The following COL2A1 variants were observed in gnomAD, a reference collection of about 807,000 sequenced individuals.
The protein encoded by COL2A1 is collagen alpha-1(II) chain.
COL2A1 carries 28 observed loss-of-function variants against 204.5 expected under a neutral mutation model. The observed-to-expected ratio is 0.14, with a 90% CI of 0.10 to 0.19. The LOEUF (loss-of-function observed/expected upper bound fraction) is 0.19. COL2A1 is among the 10% of genes least tolerant of loss of function. The pLI, the probability that COL2A1 is intolerant of heterozygous loss-of-function variation, is 1.00. For synonymous variants in COL2A1, 708 were observed against 718.7 expected, an observed-to-expected ratio of 0.99 and a Z score of 0.24; for missense variants, 1,388 against 2,027.5, an observed-to-expected ratio of 0.68 and a Z score of 6.06.
At position 47,973,304 on chromosome 12, in the gene COL2A1, G is replaced by T. The variant is rs1276840323; in HGVS notation, c.*103C>A. Reference sequence around the variant, plus strand: ...AGAGGGTGGGATGAATGGACATCAGGTCAGGTCAGCCATTCAGTGCAGAGT... The same window carrying T: ...AGAGGGTGGGATGAATGGACATCAGTTCAGGTCAGCCATTCAGTGCAGAGT... On this transcript the variant is annotated 3_prime_UTR_variant, in exon 54 of 54. Coordinates refer to ENST00000380518, the MANE Select transcript of COL2A1 (RefSeq NM_001844.5). The T allele has an allele frequency of 6.7e-7, 1 of 1,481,490 alleles. No individual in the cohort carries two copies. Among genetic ancestry groups the T allele is most frequent in the Non-Finnish European group, 9.4e-7 (1 of 1,059,168 alleles). 91.8% of individuals were successfully genotyped at this position (1,481,490 alleles called of 1,614,324 possible).
At chr12:47,981,459 CAA>C in intron 36 of COL2A1, 63 bp from the exon 37 acceptor site, 1 of 1,467,196 alleles carries the variant, frequency 6.8e-7, no homozygotes, top group Non-Finnish European at 9.4e-7. Context: ...TGGGAGAGGG[CAA>C]AGTGCATTTG....
intron 18 of COL2A1, among the ~76,000 whole-genome samples, chr12:47,988,259 G>C (rs992339702): frequency 5.9e-5 from 9 of 152,192 alleles, no homozygotes; most frequent in African/African-American, 1.4e-4. Flanking sequence ...CAAGGCAAAA[G>C]CACATGGGGA....
intron 27 of COL2A1, 53 bp downstream of exon 27, chr12:47,984,942 G>T: frequency 6.8e-7 from 1 of 1,462,896 alleles, no homozygotes; most frequent in South Asian, 1.2e-5. Context: ...CAAGAGGGCA[G>T]GGAGGTAGGT....
intron 50 of COL2A1, 143 bp from the exon 51 acceptor site, chr12:47,975,748 AC>A: frequency 1.1e-6 from 1 of 901,850 alleles, no homozygotes; most frequent in Non-Finnish European, 1.7e-6. Flanking sequence ...GACCAAGGAA[AC>A]CACAGCACCA....
chr12:47,995,241 T>A lies in COL2A1; in HGVS notation c.762+14A>T. 6.2e-7 allele frequency: 1 copy of A among 1,611,044 alleles called. No individual in the cohort carries two copies. Among genetic ancestry groups the A allele is most frequent in the South Asian group, 1.1e-5 (1 of 91,026 alleles). On this transcript the variant is annotated intron_variant, in intron 11 of 53. Coordinates refer to ENST00000380518, the MANE Select transcript of COL2A1 (RefSeq NM_001844.5). ...AGGAGGCAGCTCCTCATTTGTCTAC[T>A]CGTGTATACTCACATCATCACCAGG...
intron 50 of COL2A1, 92 bp from the exon 51 acceptor site, chr12:47,975,697 C>T: frequency 7.1e-7 from 1 of 1,413,518 alleles, no homozygotes; most frequent in Non-Finnish European, 9.7e-7. Context: ...GAGTGTCCCT[C>T]TTCCCAGCCC....
intron 37 of COL2A1, 81 bp from the exon 38 acceptor site, chr12:47,981,049 C>T (rs1939047767): frequency 1.3e-5 from 17 of 1,349,282 alleles, no homozygotes; most frequent in Admixed American, 2.1e-5. Context: ...CCCCTTGGGC[C>T]CTGCCCAGCC....
intron 1 of COL2A1, among the ~76,000 whole-genome samples, chr12:48,001,301 G>T (rs942317417): frequency 3.9e-5 from 6 of 152,270 alleles, no homozygotes; most frequent in Non-Finnish European, 8.8e-5. Flanking sequence ...TAAAGAGAGT[G>T]AAAATCCAAA....
intron 16 of COL2A1, among the ~76,000 whole-genome samples, chr12:47,991,654 G>A (rs1939714757): frequency 6.6e-6 from 1 of 152,184 alleles, no homozygotes; most frequent in Admixed American, 6.5e-5. Flanking sequence ...GTGCGGACAG[G>A]AACCAACAGA....
chr12:47,998,396 A>C lies in COL2A1; in HGVS notation c.309+19T>G. The stretch of plus-strand genomic sequence containing the variant: ...AAAGCCAAAAAAATATGAAAAAAGA[A>C]AAAGAAGAAAGCCCTTACCTTTGGT... On this transcript the variant is annotated intron_variant, in intron 3 of 53. Coordinates refer to ENST00000380518, the MANE Select transcript of COL2A1 (RefSeq NM_001844.5). The C allele has an allele frequency of 6.3e-7, 1 of 1,592,684 alleles. No individual in the cohort carries two copies. The highest frequency in any genetic ancestry group is 8.6e-7 in the Non-Finnish European group (1 of 1,166,612).
At chr12:47,993,585 TG>T in intron 14 of COL2A1, 83 bp from the exon 15 acceptor site, 1 of 1,304,140 alleles carries the variant, frequency 7.7e-7, no homozygotes, top group Non-Finnish European at 1.1e-6. Flanking sequence ...CCAAAAGCCC[TG>T]GTCATCTCAG....
At chr12:48,004,641 G>C (rs1940394238), upstream of COL2A1, 1 of 242,096 alleles carries the variant, frequency 4.1e-6, no homozygotes, top group Non-Finnish European at 8.0e-6. Context: ...TGCCCAAGCC[G>C]GACCCCCCTC....
chr12:47,989,199 A>C, intron 18 of COL2A1, 29 bp downstream of exon 18: 1 of 1,597,574 alleles, frequency 6.3e-7, no homozygotes, highest in Non-Finnish European at 8.6e-7. Context: ...GGCACCCAGA[A>C]GTTCCTGACT....
chr12:47,989,785 A>T lies in COL2A1; in HGVS notation c.1044T>A (p.Gly348=). 1 of 1,613,504 alleles carries T rather than the reference A, an allele frequency of 6.2e-7. No homozygotes were observed. Among genetic ancestry groups the T allele is most frequent in the Non-Finnish European group, 8.5e-7 (1 of 1,180,000 alleles). Residue 348 remains glycine, a synonymous_variant, in exon 17 of 54, where the codon GGT becomes GGA. Coordinates refer to ENST00000380518, the MANE Select transcript of COL2A1 (RefSeq NM_001844.5). ...AGAAGARGND[G]QPGPAGPPGP... is the part of the protein sequence containing the mutation. ...CCGGAGGCCCTGCGGGGCCTGGCTG[A>T]CCATCGTTGCCTCGGGCACCCTGTG...
At chr12:47,997,497 G>T (rs989182082) in intron 7 of COL2A1, 109 bp downstream of exon 7, 9 of 1,593,850 alleles carry the variant, frequency 5.6e-6, no homozygotes, top group Non-Finnish European at 7.7e-6. Flanking sequence ...GACAGGCTAT[G>T]TACACACTGC....
Position 47,982,408 on chromosome 12 carries a change from T to A in COL2A1, c.2301+94A>T, listed in dbSNP as rs897235947. On this transcript the variant is annotated intron_variant, in intron 34 of 53. Coordinates refer to ENST00000380518, the MANE Select transcript of COL2A1 (RefSeq NM_001844.5). ...CAAAAAGGGCTAACAGAAACCTTCA[T>A]CACCAGGTGCCATAAGGGAACGGAA... is the stretch of plus-strand genomic sequence containing the variant. 169 of 1,086,888 alleles carry A rather than the reference T, an allele frequency of 1.6e-4. 1 individual carries two copies. Among genetic ancestry groups the A allele is most frequent in the Non-Finnish European group, 2.3e-4 (161 of 707,062 alleles). 67.3% of individuals were successfully genotyped at this position (1,086,888 alleles called of 1,614,324 possible).
rs1178264170 is a variant in COL2A1, at chr12:47,978,737, G to A, written c.2755C>T (p.Pro919Ser). Residue 919 changes from proline to serine, a missense_variant, in exon 42 of 54, where the codon CCC becomes TCC. This residue lies in a region of COL2A1 where 884 missense variants were observed against 1,415.8 expected (regional missense o/e 0.62). Coordinates refer to ENST00000380518, the MANE Select transcript of COL2A1 (RefSeq NM_001844.5). This position sits in a 1 kb window ranked among gnomAD's most constrained non-coding sequence, Gnocchi z 5.5. ...CCATCTTTTCCAGAAGGACCAGGGG[G>A]ACCAGGGGGTCCAGGGTTGCCCTAG... ...GSNGNPGPPGPPGPSGKDGPK... is the reference protein window; with the variant it reads ...GSNGNPGPPGSPGPSGKDGPK... The A allele has an allele frequency of 1.2e-6, 2 of 1,613,056 alleles. No individual in the cohort carries two copies. Among genetic ancestry groups the A allele is most frequent in the Admixed American group, 1.7e-5 (1 of 60,010 alleles).
Position 47,974,272 on chromosome 12 carries a change from T to C in COL2A1, c.4134A>G (p.Leu1378=), listed in dbSNP as rs1315905279. The C allele has an allele frequency of 6.2e-7, 1 of 1,614,122 alleles. No homozygotes were observed. The highest frequency in any genetic ancestry group is 2.2e-5 in the East Asian group (1 of 44,882). ...PNTANVQMTF[L]RLLSTEGSQN... ...GGGAGCCTTCCGTGGACAGCAGGCG[T>C]AGGAAGGTCATCTGGACGTTGGCAG... The change falls in exon 53 of 54, where the codon CTA becomes CTG. Residue 1378 remains leucine (L), a synonymous_variant. Transcript: ENST00000380518.
intron 16 of COL2A1, among the ~76,000 whole-genome samples, chr12:47,991,555 G>A (rs536558240): frequency 6.6e-6 from 1 of 152,308 alleles, no homozygotes; most frequent in South Asian, 2.1e-4. Flanking sequence ...CTGATGGGAG[G>A]GGAGAGGGAG....
Sources: allele counts gnomAD v4.1 joint callset (sites outside exome capture counted in the v4.1 genomes callset), GRCh38; gene constraint gnomAD v4.1.1; regional missense constraint gnomAD v4.1.1; non-coding constraint Gnocchi (gnomAD v3.1); transcripts MANE v1.5; gene names NCBI Gene and HGNC (gene_info 2026-07-23, HGNC 2026-07-21).